Variants in COL17A1 observed in about 807,000 individuals in gnomAD.
COL17A1 encodes collagen alpha-1(XVII) chain.
In COL17A1, 181 loss-of-function variants were observed where a neutral mutation model predicts 218.4. The observed-to-expected ratio is 0.83, with a 90% CI of 0.73 to 0.94. COL17A1 has a LOEUF of 0.94. Among genes scored for constraint, COL17A1 ranks in the 40% least tolerant of loss-of-function variants. The pLI is 0.00. For synonymous variants in COL17A1, 721 were observed against 731.0 expected, an observed-to-expected ratio of 0.99 and a Z score of 0.22; for missense variants, 1,924 against 1,945.9, an observed-to-expected ratio of 0.99 and a Z score of 0.21.
chr10:104,050,743 C>T, intron 26 of COL17A1, 87 bp from the exon 27 acceptor site: 1 of 1,613,890 alleles, frequency 6.2e-7, no homozygotes, highest in Non-Finnish European at 8.5e-7. Flanking sequence ...GACAGGCTCC[C>T]TCAATCCTGA....
chr10:104,035,236 T>C lies in COL17A1; in HGVS notation c.3619+27A>G, dbSNP rs771752038. On this transcript the variant is annotated intron_variant, in intron 50 of 55. Coordinates refer to ENST00000648076, the MANE Select transcript of COL17A1 (RefSeq NM_000494.4). ...CAAGGCCCGGCTGCATCCCCTGCCC[T>C]CCCCATCCCACTCCACAGTGCCCTA... The C allele has an allele frequency of 1.2e-5, 19 of 1,590,414 alleles. No homozygotes were observed. In the African/African-American group the frequency reaches 2.0e-4, roughly 17 times the overall value.
rs1292433432 is a variant in COL17A1, at chr10:104,050,918, A to G, written c.2039-17T>C. The stretch of plus-strand genomic sequence containing the variant: ...CTACAGGACCTGCCCGGCAGAAGAA[A>G]CCATGCACACAGATGAGTATCCCTA... On this transcript the variant is annotated splice_polypyrimidine_tract_variant and intron_variant, in intron 25 of 55. Coordinates refer to ENST00000648076, the MANE Select transcript of COL17A1 (RefSeq NM_000494.4). 9 of 1,614,058 alleles carry G rather than the reference A, an allele frequency of 5.6e-6. No homozygotes were observed. The highest frequency in any genetic ancestry group is 7.6e-6 in the Non-Finnish European group (9 of 1,180,058).
At chr10:104,079,419 C>T (rs969485847) in intron 2 of COL17A1, among the ~76,000 whole-genome samples, 1 of 152,062 alleles carries the variant, frequency 6.6e-6, no homozygotes, top group Admixed American at 6.6e-5. Context: ...TGCATGGGCA[C>T]ATACGTGTGG....
intron 33 of COL17A1, 106 bp from the exon 34 acceptor site, chr10:104,043,966 C>T: frequency 8.2e-7 from 1 of 1,223,126 alleles, no homozygotes; most frequent in Non-Finnish European, 1.2e-6. Flanking sequence ...ACTTCTGGGC[C>T]TCTCACCATC....
chr10:104,046,357 A>C (rs1295122750), intron 32 of COL17A1, among the ~76,000 whole-genome samples: 1 of 152,190 alleles, frequency 6.6e-6, no homozygotes, highest in Non-Finnish European at 1.5e-5. Flanking sequence ...GTCCCAGAGA[A>C]ACTGGGCTTT....
intron 52 of COL17A1, 144 bp from the exon 53 acceptor site, chr10:104,033,519 T>C: frequency 1.0e-6 from 1 of 988,684 alleles, no homozygotes; most frequent in Non-Finnish European, 1.5e-6. Context: ...TCCAACTTCC[T>C]TTGTATTCCA....
chr10:104,058,281 T>C (rs1162472480), intron 15 of COL17A1, 91 bp from the exon 16 acceptor site: 1 of 1,561,690 alleles, frequency 6.4e-7, no homozygotes, highest in Non-Finnish European at 8.8e-7. Context: ...TCCTTTACTT[T>C]CTTAATAAAC....
intron 16 of COL17A1, 85 bp from the exon 17 acceptor site, chr10:104,057,257 G>A: frequency 6.2e-7 from 1 of 1,607,426 alleles, no homozygotes; most frequent in Non-Finnish European, 8.5e-7. Flanking sequence ...GTGACTTTCT[G>A]GCCTGAGTGA....
At chr10:104,050,939 C>A in intron 25 of COL17A1, 38 bp from the exon 26 acceptor site, 1 of 1,613,906 alleles carries the variant, frequency 6.2e-7, no homozygotes, top group Non-Finnish European at 8.5e-7. Flanking sequence ...AGATGAGTAT[C>A]CCTAGCTTTG....
Position 104,050,713 on chromosome 10 carries a change from G to A in COL17A1, c.2093-57C>T, listed in dbSNP as rs375508153. On this transcript the variant is annotated intron_variant, in intron 26 of 55. Transcript: ENST00000648076. The stretch of plus-strand genomic sequence containing the variant: ...TGCCCTACAAGGGACAACCAGGAAG[G>A]GGCAATGTCTGTCTCTGAAGACAGG... 5.1e-5 allele frequency: 82 copies of A among 1,614,144 alleles called. No homozygotes were observed. In the African/African-American group the frequency reaches 9.9e-4, roughly 19 times the overall value.
chr10:104,034,658 G>A lies in COL17A1; in HGVS notation c.3729C>T (p.Ser1243=), dbSNP rs112351982. ...TGATCAGCTCGCTCCGGAAGCTGTC[G>A]CTGTTTTCAGCTGCATAGGTTGCCA... ...GALATYAAEN[S]DSFRSELISY... Residue 1243 remains serine (S), a synonymous_variant, in exon 51 of 56, where the codon AGC becomes AGT. Coordinates refer to ENST00000648076, the MANE Select transcript of COL17A1 (RefSeq NM_000494.4). 2.3e-4 allele frequency: 369 copies of A among 1,609,860 alleles called. 3 individuals are homozygous for A. The South Asian group carries it at 3.4e-3, about 15-fold the overall frequency.
chr10:104,045,757 C>T lies in COL17A1; in HGVS notation c.2398+1G>A. 6.2e-7 allele frequency: 1 copy of T among 1,610,582 alleles called. No individual in the cohort carries two copies. The highest frequency in any genetic ancestry group is 8.5e-7 in the Non-Finnish European group (1 of 1,176,670). ...GAAATCTCATTTGGAAATTCACTTA[C>T]CTTTTATTCCTGGTCGGCCAGGGGT... On this transcript the variant is annotated splice_donor_variant, in intron 33 of 55. Coordinates refer to ENST00000648076, the MANE Select transcript of COL17A1 (RefSeq NM_000494.4). LOFTEE classifies it high-confidence loss of function.
chr10:104,070,662 C>T, intron 8 of COL17A1, 93 bp from the exon 9 acceptor site: 1 of 1,609,396 alleles, frequency 6.2e-7, no homozygotes, highest in Non-Finnish European at 8.5e-7. Context: ...ATTCTGACTA[C>T]TGGGGAGAAT....
intron 9 of COL17A1, among the ~76,000 whole-genome samples, chr10:104,067,868 G>C (rs2086640048): frequency 6.6e-6 from 1 of 152,040 alleles, no homozygotes; most frequent in Admixed American, 6.6e-5. Flanking sequence ...AAGAAAATAA[G>C]CGAAAGAGAA....
At position 104,038,231 on chromosome 10, in the gene COL17A1, TACACACACACACACAC is replaced by T. The variant is rs59808906; in HGVS notation, c.3070+159_3070+174del. On this transcript the variant is annotated intron_variant, in intron 45 of 55. Transcript: ENST00000648076. ...CTGGGCCTGGACACATAGACACACA[TACACACACACACACAC>T]ACACACACACACACACACACACACA... is the stretch of plus-strand genomic sequence containing the variant. Among the ~76,000 whole-genome samples, 1,319 of 142,090 alleles carry T rather than the reference TACACACACACACACAC, an allele frequency of 9.3e-3. 19 individuals are homozygous for T. The highest frequency in any genetic ancestry group is 0.027 in the Admixed American group (391 of 14,530). 93.2% of individuals were successfully genotyped at this position (142,090 alleles called of 152,430 possible).
intron 7 of COL17A1, among the ~76,000 whole-genome samples, chr10:104,072,365 AT>A (rs1026657363): frequency 3.9e-5 from 6 of 152,172 alleles, no homozygotes; most frequent in Non-Finnish European, 8.8e-5. Flanking sequence ...GCAATGGTCA[AT>A]CCTTTCCCCA....
chr10:104,033,853 A>G, intron 52 of COL17A1, 92 bp downstream of exon 52: 3 of 1,579,246 alleles, frequency 1.9e-6, no homozygotes, highest in Non-Finnish European at 2.6e-6. Flanking sequence ...TTCTGTCTTC[A>G]CAGCCTGGGG....
intron 16 of COL17A1, 89 bp downstream of exon 16, chr10:104,058,057 G>A (rs2086547720): frequency 6.3e-7 from 1 of 1,581,432 alleles, no homozygotes; most frequent in Non-Finnish European, 8.6e-7. Flanking sequence ...GCACTGCACT[G>A]CTTCCAGGCG....
chr10:104,036,066 A>ATGGGAGTGTGTGTATATGTG (rs2086288080), intron 48 of COL17A1, among the ~76,000 whole-genome samples: 3 of 8,040 alleles, frequency 3.7e-4, no homozygotes, highest in Admixed American at 1.5e-3. Context: ...GTATGGGAGT[A>ATGGGAGTGTGTGTATATGTG]TGTGTATGGG....
Sources: allele counts gnomAD v4.1 joint callset (sites outside exome capture counted in the v4.1 genomes callset), GRCh38; gene constraint gnomAD v4.1.1; transcripts MANE v1.5; gene names NCBI Gene and HGNC (gene_info 2026-07-23, HGNC 2026-07-21).